The following SDHAF4 variants were observed in gnomAD, a reference collection of about 807,000 sequenced individuals.
The protein encoded by SDHAF4 is succinate dehydrogenase complex assembly factor 4.
A neutral mutation model predicts 14.3 loss-of-function variants in SDHAF4; 14 were observed. The ratio of observed to expected loss-of-function variants is 0.98; its 90% CI spans 0.65 to 1.53. The LOEUF is 1.53. Ranked by LOEUF, SDHAF4 falls within the 40% of genes most tolerant of loss-of-function variation. SDHAF4 has a pLI of 0.00. For missense variants in SDHAF4, 141 were observed against 129.3 expected (o/e 1.09, Z -0.44); for synonymous variants, 63 against 47.3 (o/e 1.33, Z -1.36).
In SDHAF4 at chr6:70,589,023, C is replaced by G. The variant is rs189378150; in HGVS notation, c.*299C>G. ...GCTGAGGCAGGAGAATGGCTTAAAC[C>G]CAGGAGGTGGAGGTTGCGGTGAGCT... On this transcript the variant is annotated 3_prime_UTR_variant, in exon 3 of 3. Transcript: ENST00000370474. 1,138 of 158,708 alleles carry G rather than the reference C, an allele frequency of 7.2e-3. 9 individuals are homozygous for G. The highest frequency in any genetic ancestry group is 8.8e-3 in the Non-Finnish European group (639 of 72,468). 9.8% of individuals were successfully genotyped at this position (158,708 alleles called of 1,614,324 possible). A position where few individuals can be genotyped will look rare whatever the true frequency, so the allele number is the denominator to read the frequency against.
chr6:70,597,966 A>T, the SDHAF4 span, among the ~76,000 whole-genome samples: 1 of 152,248 alleles, frequency 6.6e-6, no homozygotes, highest in Non-Finnish European at 1.5e-5. Context: ...ATTACAAAAG[A>T]TTATCGAACT....
chr6:70,577,462 T>A (rs1429466153), intron 1 of SDHAF4, among the ~76,000 whole-genome samples: 1 of 152,204 alleles, frequency 6.6e-6, no homozygotes, highest in Non-Finnish European at 1.5e-5. Context: ...TCAATGAGGG[T>A]TTGGATAACT....
At chr6:70,586,099 G>A (rs772228175) in intron 2 of SDHAF4, among the ~76,000 whole-genome samples, 3 of 152,276 alleles carry the variant, frequency 2.0e-5, no homozygotes, top group East Asian at 1.9e-4. Context: ...AAGTAGCTAC[G>A]ATGATGACCT....
intron 2 of SDHAF4, among the ~76,000 whole-genome samples, chr6:70,582,980 A>G (rs939660859): frequency 2.0e-5 from 3 of 152,226 alleles, no homozygotes; most frequent in Non-Finnish European, 4.4e-5. Flanking sequence ...ATAAAGATGA[A>G]TAAGAAAGGA....
At chr6:70,568,099 C>G (rs1280657474) in intron 1 of SDHAF4, among the ~76,000 whole-genome samples, 2 of 152,196 alleles carry the variant, frequency 1.3e-5, no homozygotes. Flanking sequence ...TTTGTGCAAT[C>G]ATTTTACCCA....
chr6:70,573,334 G>A (rs970781329), intron 1 of SDHAF4, among the ~76,000 whole-genome samples: 3 of 139,572 alleles, frequency 2.1e-5, no homozygotes, highest in African/African-American at 9.0e-5. Flanking sequence ...CACAGTCTTG[G>A]CTCACTGCAA....
downstream of SDHAF4, among the ~76,000 whole-genome samples, chr6:70,593,688 T>TGTGTGTG (rs202042891): frequency 6.6e-6 from 1 of 151,558 alleles, no homozygotes; most frequent in Non-Finnish European, 1.5e-5. Flanking sequence ...TCAAGGGTTT[T>TGTGTGTG]TTTTTGTGTG....
At chr6:70,595,775 G>A in the SDHAF4 span, among the ~76,000 whole-genome samples, 6 of 149,492 alleles carry the variant, frequency 4.0e-5, no homozygotes, top group Non-Finnish European at 8.9e-5. Flanking sequence ...GGCGGAGGTT[G>A]CAGTGAGCTG....
At chr6:70,570,938 C>CT (rs1802170801) in intron 1 of SDHAF4, among the ~76,000 whole-genome samples, 1 of 151,702 alleles carries the variant, frequency 6.6e-6, no homozygotes, top group Non-Finnish European at 1.5e-5. Flanking sequence ...TTTACATTTA[C>CT]TTACAGGATT....
rs113861739 is a variant in SDHAF4, at chr6:70,574,245, G to A, written c.65-5169G>A. 4.3e-3 allele frequency among the ~76,000 whole-genome samples: 657 copies of A among 151,932 alleles called. 3 individuals carry two copies. Among genetic ancestry groups the A allele is most frequent in the African/African-American group, 0.015 (618 of 41,484 alleles). ...TGAGGCAGGAGAATCGCTTGATCCC[G>A]GGAGGTGGAGGTTGCAGTGAGCTGA... On this transcript the variant is annotated intron_variant, in intron 1 of 2. Transcript: ENST00000370474.
At chr6:70,595,712 C>T in the SDHAF4 span, among the ~76,000 whole-genome samples, 1 of 151,664 alleles carries the variant, frequency 6.6e-6, no homozygotes, top group Non-Finnish European at 1.5e-5. Context: ...GGCGCACGCC[C>T]GTAATCCCAC....
intron 1 of SDHAF4, 93 bp downstream of exon 1, chr6:70,567,097 T>TGG: frequency 7.8e-7 from 1 of 1,282,346 alleles, no homozygotes; most frequent in Non-Finnish European, 1.1e-6. Context: ...GCCGCGTGTG[T>TGG]CCTGGCCGTT....
At chr6:70,584,065 G>A (rs184577822) in intron 2 of SDHAF4, among the ~76,000 whole-genome samples, 208 of 152,212 alleles carry the variant, frequency 1.4e-3, no homozygotes, top group Admixed American at 2.2e-3. Context: ...TTGCTCTGTT[G>A]CCCAGGCTGG....
the SDHAF4 span, among the ~76,000 whole-genome samples, chr6:70,596,002 T>C: frequency 2.0e-5 from 3 of 152,228 alleles, no homozygotes; most frequent in Non-Finnish European, 4.4e-5. Flanking sequence ...AGTGTTGTAT[T>C]AAGATAACTC....
At chr6:70,592,794 G>A (rs531701734), downstream of SDHAF4, among the ~76,000 whole-genome samples, 25 of 152,322 alleles carry the variant, frequency 1.6e-4, no homozygotes, top group Admixed American at 1.5e-3. Context: ...TAGACATGTG[G>A]TAGAGAATGA....
At chr6:70,594,755 A>C in the SDHAF4 span, among the ~76,000 whole-genome samples, 8 of 152,130 alleles carry the variant, frequency 5.3e-5, no homozygotes, top group Non-Finnish European at 1.0e-4. Flanking sequence ...TCTATGAAAA[A>C]TACAAAATTA....
chr6:70,571,136 T>C (rs1425807058), intron 1 of SDHAF4, among the ~76,000 whole-genome samples: 1 of 152,208 alleles, frequency 6.6e-6, no homozygotes, highest in Non-Finnish European at 1.5e-5. Context: ...TTTTTAATGA[T>C]GAATAAATCT....
intron 1 of SDHAF4, among the ~76,000 whole-genome samples, chr6:70,578,390 T>C (rs1201432638): frequency 6.6e-6 from 1 of 152,238 alleles, no homozygotes; most frequent in African/African-American, 2.4e-5. Flanking sequence ...GAAGTGTCTC[T>C]TCATGTCTGT....
chr6:70,586,003 A>C (rs1765190395), intron 2 of SDHAF4, among the ~76,000 whole-genome samples: 1 of 152,132 alleles, frequency 6.6e-6, no homozygotes. Context: ...TTTAGAGGGC[A>C]AGGAGGATGT....
Sources: gnomAD v4.1 joint callset for allele counts (sites outside exome capture counted in the v4.1 genomes callset) on GRCh38, gnomAD v4.1.1 for gene constraint, MANE v1.5 for transcripts, NCBI Gene and HGNC (gene_info 2026-07-23, HGNC 2026-07-21) for gene names.